ADAMTSL2: variants seen among roughly 807,000 people sequenced by gnomAD.
The protein encoded by ADAMTSL2 is ADAMTS-like protein 2.
Under a neutral mutation model 117.0 loss-of-function variants are expected in ADAMTSL2, and 55 were observed. The ratio of observed to expected loss-of-function variants is 0.47; its 90% CI spans 0.38 to 0.59. The LOEUF (loss-of-function observed/expected upper bound fraction) is 0.59. Among genes scored for constraint, ADAMTSL2 ranks in the 20% least tolerant of loss-of-function variants. The pLI is 0.00. For missense variants in ADAMTSL2, 1,182 were observed against 1,354.5 expected (o/e 0.87, Z 2.00); for synonymous variants, 572 against 566.4 (o/e 1.01, Z -0.14).
chr9:133,539,882 C>T lies in ADAMTSL2; in HGVS notation c.412+9C>T, dbSNP rs542431206. 50 of 1,550,498 alleles carry T rather than the reference C, an allele frequency of 3.2e-5. No homozygotes were observed. The highest frequency in any genetic ancestry group is 2.1e-4 in the South Asian group (18 of 84,056). Reference sequence around the variant, plus strand: ...GAAGCCTCTGTACCCGGGTACCTGCCGCCCTGGGGACCCACCTTGCAGGGA... The same window carrying T: ...GAAGCCTCTGTACCCGGGTACCTGCTGCCCTGGGGACCCACCTTGCAGGGA... On this transcript the variant is annotated intron_variant, in intron 5 of 18. Transcript: ENST00000651351.
chr9:133,556,365 C>T (rs1830605716), intron 11 of ADAMTSL2, among the ~76,000 whole-genome samples: 2 of 152,148 alleles, frequency 1.3e-5, no homozygotes, highest in East Asian at 1.9e-4. Flanking sequence ...GCGGTGTATT[C>T]GAGGTCACAG....
At chr9:133,563,447 CT>C (rs1455149166) in intron 12 of ADAMTSL2, among the ~76,000 whole-genome samples, 3 of 146,748 alleles carry the variant, frequency 2.0e-5, no homozygotes, top group African/African-American at 8.2e-5. Context: ...AGTGTCAAGC[CT>C]GTGGGCGTTG....
chr9:133,572,794 C>T (rs948059691), intron 17 of ADAMTSL2, among the ~76,000 whole-genome samples: 8 of 152,262 alleles, frequency 5.3e-5, no homozygotes, highest in Non-Finnish European at 7.4e-5. Context: ...CCCCCGATGC[C>T]GGTGCATAGC....
chr9:133,568,910 A>T, intron 15 of ADAMTSL2, 152 bp downstream of exon 15: 2 of 1,039,634 alleles, frequency 1.9e-6, no homozygotes, highest in Non-Finnish European at 2.9e-6. Flanking sequence ...TATAGGAATC[A>T]AAACTTCTCT....
At chr9:133,563,432 CAGTA>C (rs1385822970) in intron 12 of ADAMTSL2, among the ~76,000 whole-genome samples, 1 of 151,948 alleles carries the variant, frequency 6.6e-6, no homozygotes, top group Non-Finnish European at 1.5e-5. Flanking sequence ...TGGGCGTTGT[CAGTA>C]AGTGTCAAGC....
chr9:133,564,284 G>C (rs1208562829), intron 12 of ADAMTSL2, among the ~76,000 whole-genome samples: 3 of 44,246 alleles, frequency 6.8e-5, no homozygotes, highest in African/African-American at 3.1e-4. Flanking sequence ...AAGAGGGAGA[G>C]AGAGAGGGAG....
intron 13 of ADAMTSL2, 25 bp from the exon 14 acceptor site, chr9:133,568,248 T>TG: frequency 6.5e-7 from 1 of 1,548,060 alleles, no homozygotes. Context: ...GGGGGATCAT[T>TG]GAAGGCCATC....
At position 133,539,653 on chromosome 9, in the gene ADAMTSL2, ACGGCTGTCC is replaced by A. The variant is rs59145683; in HGVS notation, c.310-93_310-85del. ...CCACCCCGTGGGCCGTGGCCCCCGC[ACGGCTGTCC>A]CGGCTGTCCCGGCTGTCCCGGCTGC... On this transcript the variant is annotated intron_variant, in intron 4 of 18. Coordinates refer to ENST00000651351, the MANE Select transcript of ADAMTSL2 (RefSeq NM_014694.4). 5.7e-3 allele frequency: 3,888 copies of A among 687,828 alleles called. 58 individuals carry two copies. The highest frequency in any genetic ancestry group is 0.049 in the African/African-American group (2,699 of 55,386). 42.6% of individuals were successfully genotyped at this position (687,828 alleles called of 1,614,324 possible).
intron 18 of ADAMTSL2, 77 bp from the exon 19 acceptor site, chr9:133,574,669 A>C: frequency 7.8e-7 from 1 of 1,283,550 alleles, no homozygotes; most frequent in Non-Finnish European, 1.1e-6. Context: ...GGAAAACGGC[A>C]CGTGGGGGTC....
At position 133,544,347 on chromosome 9, in the gene ADAMTSL2, G is replaced by A. The variant is rs897220074; in HGVS notation, c.683-123G>A. On this transcript the variant is annotated intron_variant, in intron 7 of 18. Coordinates refer to ENST00000651351, the MANE Select transcript of ADAMTSL2 (RefSeq NM_014694.4). ...GCTGAGCTGAGCTACACAAGCGGGT[G>A]TGGGGGTTGGGCCAGCCCTTAGACA... 7 of 842,794 alleles carry A rather than the reference G, an allele frequency of 8.3e-6. No individual in the cohort carries two copies. In the African/African-American group the frequency reaches 8.3e-5, roughly 10 times the overall value. 52.2% of individuals were successfully genotyped at this position (842,794 alleles called of 1,614,324 possible).
rs956658176 is a variant in ADAMTSL2 at position 133,570,522 on chromosome 9, G to C, written c.2592+15G>C. The C allele has an allele frequency of 3.7e-6, 6 of 1,607,112 alleles. No individual in the cohort carries two copies. The highest frequency in any genetic ancestry group is 4.2e-6 in the Non-Finnish European group (5 of 1,177,500). On this transcript the variant is annotated intron_variant, in intron 17 of 18. Transcript: ENST00000651351. The stretch of plus-strand genomic sequence containing the variant: ...CCTGGTCAGAGGTGAGCTCCCAGCC[G>C]GCCCCTCTGAGGTTGCCTGAGGCCA...
upstream of ADAMTSL2, chr9:133,532,533 A>T (rs2131079367): frequency 6.6e-6 from 1 of 152,308 alleles, no homozygotes. Flanking sequence ...TGTCTCCAGC[A>T]CCAGGGCCAT....
rs1413910399 is a variant in ADAMTSL2, at chr9:133,534,915, C to T, written c.-153C>T. Reference sequence around the variant, plus strand: ...GGAGGACAACCTGCTGACCCGAAGCCAGGTAGGCCACCTCGTCCCCGTCCC... The same window carrying T: ...GGAGGACAACCTGCTGACCCGAAGCTAGGTAGGCCACCTCGTCCCCGTCCC... On this transcript the variant is annotated splice_region_variant and 5_prime_UTR_variant, in exon 1 of 19. The change creates a premature stop within an existing upstream ORF in the 5' untranslated region. Coordinates refer to ENST00000651351, the MANE Select transcript of ADAMTSL2 (RefSeq NM_014694.4). The T allele has an allele frequency of 7.2e-7, 1 of 1,396,310 alleles. No homozygotes were observed. Among genetic ancestry groups the T allele is most frequent in the Non-Finnish European group, 9.4e-7 (1 of 1,068,276 alleles). The allele number at this position is 1,396,310 out of a possible 1,614,324, so 86.5% of individuals were successfully genotyped here. A position where few individuals can be genotyped will look rare whatever the true frequency, so the allele number is the denominator to read the frequency against.
rs1264284734 is a variant in ADAMTSL2 at position 133,568,771 on chromosome 9, C to T, written c.2244+13C>T. ...CGACTGGGGACCGGTGAGGCCTGCA[C>T]TGAGGGGTGGCTGGGCGTGCGGCTG... is the stretch of plus-strand genomic sequence containing the variant. On this transcript the variant is annotated intron_variant, in intron 15 of 18. Transcript: ENST00000651351. 3.7e-6 allele frequency: 6 copies of T among 1,612,776 alleles called. No individual in the cohort carries two copies. In the African/African-American group the frequency reaches 5.3e-5, roughly 14 times the overall value.
In ADAMTSL2 at chr9:133,540,879, C is replaced by T. The variant is rs1167340101; in HGVS notation, c.560C>T (p.Pro187Leu). 6.2e-7 allele frequency: 1 copy of T among 1,613,434 alleles called. No individual in the cohort carries two copies. The highest frequency in any genetic ancestry group is 8.5e-7 in the Non-Finnish European group (1 of 1,180,014). Residue 187 changes from proline to leucine, a missense_variant and splice_region_variant, in exon 7 of 19, where the codon CCC becomes CTC. Around this residue, in one of 3 missense-constraint regions of ADAMTSL2, gnomAD observed 372 missense variants for 463.4 expected, o/e 0.80. Transcript: ENST00000651351. The part of the protein sequence containing the change: ...RGVCVSGKCE[P>L]IGCDGVLFST... ...CCCTCTCCCTCTCCCTTCCTGCAGC[C>T]CATCGGCTGTGACGGGGTGCTTTTC...
At chr9:133,547,357 CT>C in intron 9 of ADAMTSL2, 144 bp downstream of exon 9, 2 of 761,198 alleles carry the variant, frequency 2.6e-6, no homozygotes, top group South Asian at 3.4e-5. Flanking sequence ...TCTGCGTGGG[CT>C]GGGGCTTCAC....
Position 133,540,955 on chromosome 9 carries a change from C to A in ADAMTSL2, c.636C>A (p.Ser212Arg). 1 of 1,613,482 alleles carries A rather than the reference C, an allele frequency of 6.2e-7. No individual in the cohort carries two copies. The highest frequency in any genetic ancestry group is 8.5e-7 in the Non-Finnish European group (1 of 1,180,026). ...GCATCTGCCAGGGGGACGGTAGCAG[C>A]TGCACCCACGTGACGGGCAACTATC... Reference protein sequence around the residue: ...KCGICQGDGSSCTHVTGNYRK... With the variant: ...KCGICQGDGSRCTHVTGNYRK... Residue 212 changes from serine (S) to arginine (R), a missense_variant, in exon 7 of 19, where the codon AGC (serine) becomes AGA (arginine). Transcript: ENST00000651351.
chr9:133,563,836 A>G (rs1588301934), intron 12 of ADAMTSL2, among the ~76,000 whole-genome samples: 8 of 51,308 alleles, frequency 1.6e-4, no homozygotes, highest in Non-Finnish European at 2.1e-4. Flanking sequence ...AGAGAGAGAG[A>G]GAGAGAGGGA....
intron 13 of ADAMTSL2, 66 bp from the exon 14 acceptor site, chr9:133,568,207 T>C (rs1366455441): frequency 1.4e-5 from 21 of 1,483,068 alleles, no homozygotes; most frequent in Admixed American, 2.0e-5. Context: ...TCTCTGGGGG[T>C]GTGGGTTGCA....
Sources: allele counts gnomAD v4.1 joint callset (sites outside exome capture counted in the v4.1 genomes callset), GRCh38; gene constraint gnomAD v4.1.1; regional missense constraint gnomAD v4.1.1; transcripts MANE v1.5; gene names NCBI Gene and HGNC (gene_info 2026-07-23, HGNC 2026-07-21).